The following CCSER1 variants were observed in gnomAD, a reference collection of about 807,000 sequenced individuals.
CCSER1 encodes the protein serine-rich coiled-coil domain-containing protein 1.
CCSER1 carries 41 observed loss-of-function variants against 82.0 expected under a neutral mutation model. The observed-to-expected ratio is 0.50, with a 90% CI of 0.39 to 0.65. CCSER1 has a LOEUF of 0.65. Ranked by LOEUF, CCSER1 falls within the 30% of genes least tolerant of loss-of-function variation. The pLI, the probability that CCSER1 is intolerant of heterozygous loss-of-function variation, is 0.00. For synonymous variants in CCSER1, 414 were observed against 383.9 expected, an observed-to-expected ratio of 1.08 and a Z score of -0.92; for missense variants, 1,119 against 1,064.2, an observed-to-expected ratio of 1.05 and a Z score of -0.72.
chr4:90,700,847 T>A (rs1185316122), intron 6 of CCSER1, among the ~76,000 whole-genome samples: 3 of 151,864 alleles, frequency 2.0e-5, no homozygotes, highest in Non-Finnish European at 4.4e-5. Flanking sequence ...TTTTTTCTTT[T>A]AATTTGTTTG....
intron 9 of CCSER1, among the ~76,000 whole-genome samples, chr4:91,057,626 G>A (rs923818726): frequency 7.2e-5 from 11 of 152,160 alleles, no homozygotes; most frequent in African/African-American, 2.2e-4. Context: ...TAATGTTTGT[G>A]TAGACAATTG....
At chr4:90,811,076 T>G (rs1380955670) in intron 7 of CCSER1, among the ~76,000 whole-genome samples, 5 of 152,094 alleles carry the variant, frequency 3.3e-5, no homozygotes, top group Admixed American at 2.6e-4. Flanking sequence ...CCTGACGTTG[T>G]GATCCGCCCG....
chr4:91,166,621 T>A (rs1445654451), intron 10 of CCSER1, among the ~76,000 whole-genome samples: 1 of 152,226 alleles, frequency 6.6e-6, no homozygotes, highest in African/African-American at 2.4e-5. Context: ...TATTTCAGAA[T>A]AATATGTTTA....
Position 90,923,274 on chromosome 4 carries a change from A to C in CCSER1, c.2095-96A>C, listed in dbSNP as rs1289541472. On this transcript the variant is annotated intron_variant, in intron 8 of 10. Transcript: ENST00000509176. ...AAGCATATGCACAGAGAAGAACATG[A>C]ATTATACACTAATCAAATTTTAATA... is the stretch of plus-strand genomic sequence containing the variant. 8 of 850,076 alleles carry C rather than the reference A, an allele frequency of 9.4e-6. No individual in the cohort carries two copies. The African/African-American group carries it at 1.4e-4, about 14-fold the overall frequency. The allele number at this position is 850,076 out of a possible 1,614,324, so 52.7% of individuals were successfully genotyped here.
intron 7 of CCSER1, among the ~76,000 whole-genome samples, chr4:90,738,531 G>A (rs1312320802): frequency 1.3e-5 from 2 of 152,032 alleles, no homozygotes; most frequent in Non-Finnish European, 2.9e-5. Flanking sequence ...CACCCCTGTT[G>A]CCACCTCACT....
chr4:90,945,254 T>C (rs970281651), intron 9 of CCSER1, among the ~76,000 whole-genome samples: 4 of 152,252 alleles, frequency 2.6e-5, no homozygotes, highest in African/African-American at 9.6e-5. Context: ...AATTTATATA[T>C]CATATTTTAA....
At chr4:90,592,262 G>A (rs1047720230) in intron 5 of CCSER1, among the ~76,000 whole-genome samples, 1 of 152,110 alleles carries the variant, frequency 6.6e-6, no homozygotes, top group South Asian at 2.1e-4. Flanking sequence ...GACAGATTAT[G>A]TCCCCCTAAT....
chr4:91,205,290 T>C (rs565889962), intron 10 of CCSER1, among the ~76,000 whole-genome samples: 189 of 151,972 alleles, frequency 1.2e-3, no homozygotes, highest in African/African-American at 4.3e-3. Context: ...TACTGTCTAA[T>C]GAACACACAC....
chr4:91,266,302 G>C (rs192451607), intron 10 of CCSER1, among the ~76,000 whole-genome samples: 1 of 151,956 alleles, frequency 6.6e-6, no homozygotes, highest in Non-Finnish European at 1.5e-5. Context: ...GCCCAGGCTG[G>C]TGTGCAGTGG....
At chr4:91,100,458 A>T (rs1485122712) in intron 10 of CCSER1, among the ~76,000 whole-genome samples, 1 of 151,970 alleles carries the variant, frequency 6.6e-6, no homozygotes, top group Non-Finnish European at 1.5e-5. Flanking sequence ...CTATTCAGAG[A>T]TTTTACTGTC....
intron 10 of CCSER1, among the ~76,000 whole-genome samples, chr4:91,192,056 T>C (rs890782856): frequency 6.6e-6 from 1 of 152,132 alleles, no homozygotes; most frequent in East Asian, 1.9e-4. Flanking sequence ...GACTTAACTA[T>C]ACCAAATAAA....
chr4:90,174,120 G>A (rs184853263), intron 1 of CCSER1, among the ~76,000 whole-genome samples: 1 of 151,746 alleles, frequency 6.6e-6, no homozygotes, highest in Admixed American at 6.6e-5. Context: ...AGAAGAGGTG[G>A]GTACAGAGAA....
chr4:90,184,794 A>G (rs1253439280), intron 1 of CCSER1, among the ~76,000 whole-genome samples: 3 of 151,788 alleles, frequency 2.0e-5, no homozygotes, highest in Non-Finnish European at 4.4e-5. Flanking sequence ...AGTGGAGACA[A>G]TGTGAGGGCA....
chr4:90,193,962 C>A (rs1038411703), intron 1 of CCSER1, among the ~76,000 whole-genome samples: 1 of 151,948 alleles, frequency 6.6e-6, no homozygotes, highest in African/African-American at 2.4e-5. Context: ...TATGCTGTAT[C>A]AATTGTAGAT....
intron 5 of CCSER1, among the ~76,000 whole-genome samples, chr4:90,586,250 C>A (rs1036615067): frequency 2.6e-4 from 39 of 151,966 alleles, no homozygotes; most frequent in Admixed American, 1.0e-3. Context: ...TCCATTATAC[C>A]CCCCCACCCC....
In CCSER1 at chr4:91,602,616, TC is replaced by T. The variant is rs1764853472; in HGVS notation, c.*3560del. 6.6e-6 allele frequency among the ~76,000 whole-genome samples: 1 copy of T among 152,046 alleles called. No homozygotes were observed. The highest frequency in any genetic ancestry group is 1.5e-5 in the Non-Finnish European group (1 of 67,928). On this transcript the variant is annotated 3_prime_UTR_variant, in exon 11 of 11. Coordinates refer to ENST00000509176, the MANE Select transcript of CCSER1 (RefSeq NM_001145065.2). ...ACTTAGCATAATCTCATAATTATAA[TC>T]TAAATTTTTACTACTTTTTCACTTT... is the stretch of plus-strand genomic sequence containing the variant.
chr4:90,217,017 T>G (rs934122898), intron 1 of CCSER1, among the ~76,000 whole-genome samples: 1 of 152,176 alleles, frequency 6.6e-6, no homozygotes, highest in Non-Finnish European at 1.5e-5. Context: ...TTAGATTTAT[T>G]CCTAGGTATT....
At chr4:91,474,350 T>G (rs1223544531) in intron 10 of CCSER1, among the ~76,000 whole-genome samples, 2 of 151,956 alleles carry the variant, frequency 1.3e-5, no homozygotes, top group Non-Finnish European at 2.9e-5. Flanking sequence ...TAATAAATTT[T>G]TATTTCTTAT....
intron 9 of CCSER1, among the ~76,000 whole-genome samples, chr4:90,997,819 C>A (rs1223756938): frequency 1.3e-5 from 2 of 152,120 alleles, no homozygotes; most frequent in African/African-American, 4.8e-5. Flanking sequence ...AAAGGCTACA[C>A]TGAGAGAAAA....
Sources: gnomAD v4.1 joint callset for allele counts (sites outside exome capture counted in the v4.1 genomes callset) on GRCh38, gnomAD v4.1.1 for gene constraint, MANE v1.5 for transcripts, NCBI Gene and HGNC (gene_info 2026-07-23, HGNC 2026-07-21) for gene names.